The following RPS6KB1 variants were observed in gnomAD, a reference collection of about 807,000 sequenced individuals.
The protein encoded by RPS6KB1 is ribosomal protein S6 kinase B1.
RPS6KB1 carries 12 observed loss-of-function variants against 70.2 expected under a neutral mutation model. The ratio of observed to expected loss-of-function variants is 0.17; its 90% CI spans 0.11 to 0.28. The LOEUF (loss-of-function observed/expected upper bound fraction) is 0.28. Among genes scored for constraint, RPS6KB1 ranks in the 10% least tolerant of loss-of-function variants. The pLI is 1.00. For synonymous variants in RPS6KB1, 175 were observed against 211.2 expected (o/e 0.83, Z 1.49); for missense variants, 270 against 646.6 (o/e 0.42, Z 6.32).
At chr17:59,923,475 C>T (rs1438893690) in intron 4 of RPS6KB1, among the ~76,000 whole-genome samples, 1 of 151,948 alleles carries the variant, frequency 6.6e-6, no homozygotes, top group Non-Finnish European at 1.5e-5. Context: ...ATTGTTAGCC[C>T]TAATTCTAGT....
chr17:59,927,242 C>T (rs1312019163), intron 5 of RPS6KB1, among the ~76,000 whole-genome samples: 1 of 151,982 alleles, frequency 6.6e-6, no homozygotes, highest in African/African-American at 2.4e-5. Flanking sequence ...TGCCACCACG[C>T]CTGGCTAATT....
intron 1 of RPS6KB1, among the ~76,000 whole-genome samples, chr17:59,903,035 T>C (rs1380888528): frequency 6.6e-6 from 1 of 151,814 alleles, no homozygotes; most frequent in East Asian, 1.9e-4. Flanking sequence ...GAGCCGATGC[T>C]GGGCATGGTG....
At chr17:59,944,813 T>C (rs900743019) in intron 13 of RPS6KB1, among the ~76,000 whole-genome samples, 1 of 132,182 alleles carries the variant, frequency 7.6e-6, no homozygotes, top group African/African-American at 2.7e-5. Context: ...TTTTTTTAAT[T>C]TTTGAGATGG....
At position 59,947,871 on chromosome 17, in the gene RPS6KB1, C is replaced by T. The variant is rs2045019742; in HGVS notation, c.*1083C>T. On this transcript the variant is annotated 3_prime_UTR_variant, in exon 15 of 15. Coordinates refer to ENST00000225577, the MANE Select transcript of RPS6KB1 (RefSeq NM_003161.4). ...GCCCACTCTCTGTCTAATCTCTTTA[C>T]AGCAAATTGGTAAGATTTTCAGTTT... 1 of 385,476 alleles carries T rather than the reference C, an allele frequency of 2.6e-6. No individual in the cohort carries two copies. 23.9% of individuals were successfully genotyped at this position (385,476 alleles called of 1,614,324 possible). A position where few individuals can be genotyped will look rare whatever the true frequency, so the allele number is the denominator to read the frequency against.
chr17:59,937,560 T>G (rs76664915), intron 12 of RPS6KB1, among the ~76,000 whole-genome samples: 33 of 148,254 alleles, frequency 2.2e-4, no homozygotes, highest in African/African-American at 4.3e-4. Context: ...GTAATCTTTG[T>G]CATTCTTTGG....
intron 4 of RPS6KB1, among the ~76,000 whole-genome samples, chr17:59,923,231 T>C (rs1489782885): frequency 6.6e-6 from 1 of 151,124 alleles, no homozygotes; most frequent in Non-Finnish European, 1.5e-5. Context: ...TGATCATGGC[T>C]CACCACACCC....
chr17:59,909,180 G>A (rs1303191155), intron 1 of RPS6KB1, among the ~76,000 whole-genome samples: 3 of 142,540 alleles, frequency 2.1e-5, no homozygotes, highest in South Asian at 2.3e-4. Context: ...TGCCCGCCTC[G>A]GCCTCCCAAA....
chr17:59,947,115 T>C lies in RPS6KB1; in HGVS notation c.*327T>C. Reference sequence around the variant, plus strand: ...GTAGGATGTTGCTTCTGAATCACTGTTGAGTTCTGATTGTGTTGAAGAAGG... The same window carrying C: ...GTAGGATGTTGCTTCTGAATCACTGCTGAGTTCTGATTGTGTTGAAGAAGG... On this transcript the variant is annotated 3_prime_UTR_variant, in exon 15 of 15. Coordinates refer to ENST00000225577, the MANE Select transcript of RPS6KB1 (RefSeq NM_003161.4). 1.7e-6 allele frequency: 2 copies of C among 1,147,074 alleles called. No individual in the cohort carries two copies. The highest frequency in any genetic ancestry group is 2.2e-6 in the Non-Finnish European group (2 of 928,434). 71.1% of individuals were successfully genotyped at this position (1,147,074 alleles called of 1,614,324 possible).
At chr17:59,908,921 T>G (rs1242148385) in intron 1 of RPS6KB1, among the ~76,000 whole-genome samples, 4 of 112,704 alleles carry the variant, frequency 3.5e-5, no homozygotes, top group African/African-American at 1.7e-4. Flanking sequence ...CCCGGCCAAA[T>G]TTTTTTTTTT....
At chr17:59,929,588 G>A (rs1310147221) in intron 5 of RPS6KB1, among the ~76,000 whole-genome samples, 1 of 152,102 alleles carries the variant, frequency 6.6e-6, no homozygotes, top group East Asian at 1.9e-4. Flanking sequence ...TGGACTTAGG[G>A]ATCCTAATAT....
intron 1 of RPS6KB1, among the ~76,000 whole-genome samples, chr17:59,906,168 T>C (rs2042252789): frequency 6.6e-6 from 1 of 152,232 alleles, no homozygotes; most frequent in Admixed American, 6.6e-5. Flanking sequence ...TAGTTGACAA[T>C]ATAAATGTAA....
intron 4 of RPS6KB1, among the ~76,000 whole-genome samples, chr17:59,923,161 CTT>C (rs76413553): frequency 4.3e-5 from 6 of 139,364 alleles, no homozygotes; most frequent in Non-Finnish European, 4.7e-5. Flanking sequence ...CGCACCTGGT[CTT>C]TTTTTTTTTT....
At position 59,914,627 on chromosome 17, in the gene RPS6KB1, T is replaced by A. The variant is rs74702949; in HGVS notation, c.313-8T>A. 14,736 of 1,610,504 alleles carry A rather than the reference T, an allele frequency of 9.1e-3. 79 individuals carry two copies. The highest frequency in any genetic ancestry group is 0.011 in the Non-Finnish European group (12,871 of 1,177,452). ...CCTTTGAATAACACACACTTTTTTT[T>A]AATCCAGGTTTTTCAAGTACGAAAA... On this transcript the variant is annotated splice_region_variant and splice_polypyrimidine_tract_variant and intron_variant, in intron 3 of 14. Coordinates refer to ENST00000225577, the MANE Select transcript of RPS6KB1 (RefSeq NM_003161.4).
At chr17:59,942,008 G>A (rs537037592) in intron 13 of RPS6KB1, among the ~76,000 whole-genome samples, 15 of 152,174 alleles carry the variant, frequency 9.9e-5, no homozygotes, top group Non-Finnish European at 1.6e-4. Flanking sequence ...ACAGGTGCCC[G>A]CCACCACGCC....
chr17:59,911,448 C>A (rs2042626790), intron 2 of RPS6KB1, among the ~76,000 whole-genome samples: 1 of 151,950 alleles, frequency 6.6e-6, no homozygotes, highest in African/African-American at 2.4e-5. Flanking sequence ...ACAACCTCCA[C>A]CTCCTGGGTT....
intron 12 of RPS6KB1, among the ~76,000 whole-genome samples, chr17:59,937,793 G>A (rs571202951): frequency 2.0e-5 from 3 of 152,156 alleles, no homozygotes; most frequent in Non-Finnish European, 4.4e-5. Flanking sequence ...TTCAATGTAC[G>A]AAATTTTTTG....
chr17:59,939,260 GTTATTTTTATT>G (rs1202113250), intron 12 of RPS6KB1, among the ~76,000 whole-genome samples: 2 of 152,102 alleles, frequency 1.3e-5, no homozygotes, highest in East Asian at 1.9e-4. Context: ...TTTCATCGCA[GTTATTTTTATT>G]TTATTTTTAT....
intron 4 of RPS6KB1, among the ~76,000 whole-genome samples, chr17:59,917,481 A>C (rs1043802234): frequency 6.6e-6 from 1 of 152,146 alleles, no homozygotes; most frequent in Non-Finnish European, 1.5e-5. Context: ...TCTGTTTCCC[A>C]GGCTGGAGTG....
chr17:59,941,069 T>A (rs1360257453), intron 13 of RPS6KB1, 126 bp downstream of exon 13: 21 of 549,470 alleles, frequency 3.8e-5, no homozygotes, highest in South Asian at 1.1e-4. Context: ...TTTTTTTTTT[T>A]AAATAAGCCA....
Sources: allele counts gnomAD v4.1 joint callset (sites outside exome capture counted in the v4.1 genomes callset), GRCh38; gene constraint gnomAD v4.1.1; transcripts MANE v1.5; gene names NCBI Gene and HGNC (gene_info 2026-07-23, HGNC 2026-07-21).